The following RALGPS2 variants were observed in gnomAD, a reference collection of about 807,000 sequenced individuals.
The protein encoded by RALGPS2 is Ral GEF with PH domain and SH3 binding motif 2, also known as ras-specific guanine nucleotide-releasing factor RalGPS2.
Under a neutral mutation model 86.8 loss-of-function variants are expected in RALGPS2, and 43 were observed. The observed-to-expected ratio is 0.50, with a 90% CI of 0.39 to 0.64. The LOEUF (loss-of-function observed/expected upper bound fraction) is 0.64, where lower values mean the gene tolerates loss of function less well. Among genes scored for constraint, RALGPS2 ranks in the 30% least tolerant of loss-of-function variants. The probability of loss-of-function intolerance (pLI) is 0.00; values close to 1 mark genes in which losing one functional copy is unlikely to be tolerated. For missense variants in RALGPS2, 536 were observed against 694.6 expected (o/e 0.77, Z 2.57); for synonymous variants, 243 against 231.3 (o/e 1.05, Z -0.46).
chr1:178,821,786 T>A, intron 7 of RALGPS2, 82 bp downstream of exon 7: 1 of 1,052,874 alleles, frequency 9.5e-7, no homozygotes, highest in African/African-American at 1.6e-5. Flanking sequence ...TAATTCTTAT[T>A]AAAGTTAATA....
At chr1:178,800,101 G>T (rs1228212384) in intron 4 of RALGPS2, among the ~76,000 whole-genome samples, 1 of 152,138 alleles carries the variant, frequency 6.6e-6, no homozygotes, top group Non-Finnish European at 1.5e-5. Context: ...TGATGGAGAT[G>T]AACGCTTCTG....
At position 178,797,686 on chromosome 1, in the gene RALGPS2, A is replaced by G. The variant is rs115357798; in HGVS notation, c.214-10359A>G. On this transcript the variant is annotated intron_variant, in intron 4 of 19. Transcript: ENST00000367635. ...CTATAGTACAATATCAAAACCAAGA[A>G]ATTGATATTTTTATAATACGTGTCT... Among the ~76,000 whole-genome samples the G allele has an allele frequency of 6.1e-3, 923 of 152,216 alleles. 9 individuals carry two copies. The highest frequency in any genetic ancestry group is 0.021 in the African/African-American group (882 of 41,524).
intron 7 of RALGPS2, among the ~76,000 whole-genome samples, chr1:178,831,957 A>G (rs898528467): frequency 6.6e-6 from 1 of 152,202 alleles, no homozygotes; most frequent in Non-Finnish European, 1.5e-5. Flanking sequence ...TGGCAAGATT[A>G]GTTACGAGTT....
intron 2 of RALGPS2, among the ~76,000 whole-genome samples, chr1:178,783,208 G>A (rs79440225): frequency 0.028 from 4,206 of 152,198 alleles, 158 homozygotes; most frequent in African/African-American, 0.086. Context: ...TGACAAAAAC[G>A]AAGAATGCCT....
At chr1:178,911,648 G>A (rs1376957635) in intron 19 of RALGPS2, among the ~76,000 whole-genome samples, 2 of 152,200 alleles carry the variant, frequency 1.3e-5, no homozygotes, top group East Asian at 3.8e-4. Flanking sequence ...GTTGATCTTA[G>A]AGAATGTGCC....
intron 16 of RALGPS2, 22 bp downstream of exon 16, chr1:178,894,046 T>C: frequency 7.3e-7 from 1 of 1,378,026 alleles, no homozygotes. Context: ...TCATATTATA[T>C]TTTAATACAC....
chr1:178,920,128 T>C lies in RALGPS2; in HGVS notation c.*3769T>C, dbSNP rs979818827. On this transcript the variant is annotated 3_prime_UTR_variant, in exon 20 of 20. Transcript: ENST00000367635. ...AGTGGTATTCTGTTTTTTCTAAGCTTTGAGATACAAATATTGCTATTTAAT... is the reference window on the plus strand; with the variant it reads ...AGTGGTATTCTGTTTTTTCTAAGCTCTGAGATACAAATATTGCTATTTAAT... 6.6e-6 allele frequency: 1 copy of C among 152,020 alleles called. No homozygotes were observed. Among genetic ancestry groups the C allele is most frequent in the African/African-American group, 2.4e-5 (1 of 41,438 alleles). The allele number at this position is 152,020 out of a possible 1,614,324, so 9.4% of individuals were successfully genotyped here. A position where few individuals can be genotyped will look rare whatever the true frequency, so the allele number is the denominator to read the frequency against.
At chr1:178,847,479 G>C (rs1026305302) in intron 8 of RALGPS2, among the ~76,000 whole-genome samples, 2 of 151,890 alleles carry the variant, frequency 1.3e-5, no homozygotes, top group African/African-American at 4.8e-5. Flanking sequence ...AAGTGAGCTA[G>C]TTTAAGATAA....
chr1:178,747,643 T>C lies in RALGPS2; in HGVS notation c.-84+22224T>C, dbSNP rs1000189727. On this transcript the variant is annotated intron_variant, in intron 1 of 19. Transcript: ENST00000367635. ...TATGTCAACTAAGCTGGCATTAATA[T>C]AATCATTCTCAGCATTTTGCAGTTT... The C allele has an allele frequency of 5.1e-6, 8 of 1,553,938 alleles. No homozygotes were observed. In the African/African-American group the frequency reaches 6.8e-5, roughly 13 times the overall value.
At position 178,889,038 on chromosome 1, in the gene RALGPS2, GT is replaced by G. The variant is rs575671029; in HGVS notation, c.1193-596del. ...TTCATTCCCCATAGTTTTTTTGTTGGTTTTTTTTCCCCCTAGCTAATTGTAA... is the reference window on the plus strand; with the variant it reads ...TTCATTCCCCATAGTTTTTTTGTTGGTTTTTTTCCCCCTAGCTAATTGTAA... On this transcript the variant is annotated intron_variant, in intron 13 of 19. Transcript: ENST00000367635. Among the ~76,000 whole-genome samples the G allele has an allele frequency of 2.2e-3, 331 of 151,612 alleles. 1 individual carries two copies. The highest frequency in any genetic ancestry group is 4.0e-3 in the South Asian group (19 of 4,794).
At chr1:178,747,511 C>T in intron 1 of RALGPS2, 1 of 1,611,158 alleles carries the variant, frequency 6.2e-7, no homozygotes, top group Non-Finnish European at 8.5e-7. Context: ...TAATGCGGTT[C>T]AGCATGACAA....
intron 8 of RALGPS2, chr1:178,871,044 A>G (rs1658728613): frequency 1.3e-5 from 2 of 152,190 alleles, no homozygotes; most frequent in Non-Finnish European, 2.9e-5. Context: ...AAATGCAGTA[A>G]CCAGCTGCAG....
intron 8 of RALGPS2, among the ~76,000 whole-genome samples, chr1:178,840,540 G>C (rs1353080760): frequency 6.6e-6 from 1 of 152,152 alleles, no homozygotes; most frequent in Non-Finnish European, 1.5e-5. Flanking sequence ...ATGCCCACAA[G>C]AGAAAGCAGG....
chr1:178,900,090 A>G (rs1021845276), intron 17 of RALGPS2, among the ~76,000 whole-genome samples: 5 of 151,982 alleles, frequency 3.3e-5, no homozygotes, highest in African/African-American at 1.2e-4. Context: ...AAGATCAAAC[A>G]AACACAAAAA....
intron 1 of RALGPS2, among the ~76,000 whole-genome samples, chr1:178,775,354 A>G (rs1336999737): frequency 1.3e-5 from 2 of 152,290 alleles, no homozygotes; most frequent in East Asian, 3.9e-4. Flanking sequence ...TTAGCATTGA[A>G]GTAATTATTA....
At chr1:178,773,978 C>T (rs559187547) in intron 1 of RALGPS2, among the ~76,000 whole-genome samples, 81 of 152,268 alleles carry the variant, frequency 5.3e-4, no homozygotes, top group African/African-American at 1.7e-3. Context: ...CAGTGGCTGA[C>T]GCCTGTAATC....
chr1:178,851,040 T>A, intron 8 of RALGPS2: 1 of 1,212,446 alleles, frequency 8.2e-7, no homozygotes. Flanking sequence ...AGAAATAAAT[T>A]GTGCCAAGTA....
At chr1:178,795,462 G>C (rs1004180858) in intron 4 of RALGPS2, among the ~76,000 whole-genome samples, 2 of 152,074 alleles carry the variant, frequency 1.3e-5, no homozygotes, top group Non-Finnish European at 2.9e-5. Flanking sequence ...GCCCAGGCTA[G>C]AGTGCAGTGG....
chr1:178,774,983 C>G (rs1653003632), intron 1 of RALGPS2, among the ~76,000 whole-genome samples: 1 of 152,150 alleles, frequency 6.6e-6, no homozygotes, highest in Non-Finnish European at 1.5e-5. Context: ...TAGTAATGCC[C>G]AGCAACAATT....
Sources: gnomAD v4.1 joint callset for allele counts (sites outside exome capture counted in the v4.1 genomes callset) on GRCh38, gnomAD v4.1.1 for gene constraint, MANE v1.5 for transcripts, NCBI Gene and HGNC (gene_info 2026-07-23, HGNC 2026-07-21) for gene names.